The following HSF2BP variants were observed in gnomAD, a reference collection of about 807,000 sequenced individuals.
HSF2BP encodes the protein heat shock transcription factor 2 binding protein, also known as heat shock factor 2-binding protein.
In HSF2BP, 35 loss-of-function variants were observed where a neutral mutation model predicts 35.0. The ratio of observed to expected loss-of-function variants is 1.00; its 90% confidence interval spans 0.76 to 1.32. The LOEUF is 1.32. Among genes scored for constraint, HSF2BP ranks in the 40% most tolerant of loss-of-function variants. The pLI is 0.00. For synonymous variants in HSF2BP, 114 were observed against 117.4 expected, an observed-to-expected ratio of 0.97 and a Z score of 0.18; for missense variants, 326 against 321.7, an observed-to-expected ratio of 1.01 and a Z score of -0.10.
At chr21:43,641,723 G>T (rs528490823) in intron 4 of HSF2BP, among the ~76,000 whole-genome samples, 2 of 151,954 alleles carry the variant, frequency 1.3e-5, no homozygotes, top group Non-Finnish European at 2.9e-5. Context: ...CAAAGTGGAT[G>T]GATCACCTGA....
At chr21:43,606,637 G>T (rs1352469612) in intron 7 of HSF2BP, among the ~76,000 whole-genome samples, 1 of 152,210 alleles carries the variant, frequency 6.6e-6, no homozygotes, top group Non-Finnish European at 1.5e-5. Context: ...GCTGAGAAAG[G>T]CAGGTGGCCT....
the HSF2BP span, among the ~76,000 whole-genome samples, chr21:43,499,941 CCACA>C: frequency 2.0e-5 from 2 of 101,072 alleles, 1 homozygote; most frequent in Non-Finnish European, 4.0e-5. Context: ...CACGCTCACC[CCACA>C]CACTCCACGC....
chr21:43,656,564 G>A, intron 3 of HSF2BP, 23 bp downstream of exon 3: 1 of 1,599,716 alleles, frequency 6.3e-7, no homozygotes, highest in Non-Finnish European at 8.5e-7. Context: ...TACCACCAAT[G>A]ACTGCTGAAA....
rs771807895 is a variant in HSF2BP, at chr21:43,633,360, T to A, written c.353A>T (p.Glu118Val). The change falls in exon 5 of 9, where the codon GAG becomes GTG. Residue 118 changes from glutamate (E) to valine (V), a missense_variant. Physicochemically the swap from Glu to Val is moderately radical, Grantham distance 121. Transcript: ENST00000291560. ...TGCTGCTCCCATTTCTGTACAATAC[T>A]CTGCCTGCTGCAGGAGTTGCTGCTT... ...EAKQQLLQQA[E>V]YCTEMGAAAC... The A allele has an allele frequency of 6.2e-7, 1 of 1,613,866 alleles. No homozygotes were observed. Among genetic ancestry groups the A allele is most frequent in the Non-Finnish European group, 8.5e-7 (1 of 1,179,896 alleles).
chr21:43,647,000 A>T (rs771715517), intron 3 of HSF2BP, among the ~76,000 whole-genome samples: 18 of 152,254 alleles, frequency 1.2e-4, no homozygotes, highest in Non-Finnish European at 5.9e-5. Context: ...TATGGAATAT[A>T]GTAGGCAATA....
intron 8 of HSF2BP, among the ~76,000 whole-genome samples, chr21:43,571,844 A>G (rs1011977395): frequency 7.2e-6 from 1 of 138,920 alleles, no homozygotes; most frequent in African/African-American, 2.7e-5. Flanking sequence ...GACCCTGACC[A>G]GAGCCCCTTC....
chr21:43,656,476 T>C, intron 3 of HSF2BP, 111 bp downstream of exon 3: 4 of 1,018,516 alleles, frequency 3.9e-6, no homozygotes, highest in Non-Finnish European at 5.8e-6. Context: ...CCAAATATCA[T>C]CACAAGGACT....
intron 4 of HSF2BP, among the ~76,000 whole-genome samples, chr21:43,635,986 G>C (rs1317332299): frequency 6.7e-6 from 1 of 149,522 alleles, no homozygotes; most frequent in Non-Finnish European, 1.5e-5. Context: ...ATTGTACCTT[G>C]GGAGGCTGAG....
chr21:43,589,184 T>C (rs900059179), intron 8 of HSF2BP, among the ~76,000 whole-genome samples: 2 of 152,154 alleles, frequency 1.3e-5, no homozygotes, highest in Non-Finnish European at 2.9e-5. Flanking sequence ...ACATTATCTT[T>C]ACTACATAAG....
intron 8 of HSF2BP, among the ~76,000 whole-genome samples, chr21:43,577,998 A>G (rs1568880764): frequency 1.3e-5 from 2 of 152,124 alleles, no homozygotes; most frequent in African/African-American, 2.4e-5. Flanking sequence ...TCCCAAACCT[A>G]TAAGAACTAA....
At chr21:43,649,259 G>C (rs2082750189) in intron 3 of HSF2BP, among the ~76,000 whole-genome samples, 1 of 150,698 alleles carries the variant, frequency 6.6e-6, no homozygotes, top group African/African-American at 2.4e-5. Context: ...TTATTTTTTT[G>C]AAAAAAAATT....
At chr21:43,657,769 A>G in intron 2 of HSF2BP, 1 of 894,134 alleles carries the variant, frequency 1.1e-6, no homozygotes, top group Non-Finnish European at 1.3e-6. Flanking sequence ...CGGAGCAGAG[A>G]AGAGAGTGAC....
intron 2 of HSF2BP, 49 bp from the exon 3 acceptor site, chr21:43,656,786 AAAC>A (rs761727937): frequency 3.4e-5 from 52 of 1,526,240 alleles, no homozygotes; most frequent in Non-Finnish European, 4.7e-5. Flanking sequence ...ATGAGAAAAA[AAAC>A]AACAGCTCAA....
chr21:43,582,101 C>A (rs1394285846), intron 8 of HSF2BP, among the ~76,000 whole-genome samples: 1 of 105,558 alleles, frequency 9.5e-6, no homozygotes, highest in Non-Finnish European at 1.8e-5. Flanking sequence ...GAGATGAGGG[C>A]CTGCTGTGGG....
chr21:43,576,995 C>T (rs1363853929), intron 8 of HSF2BP, among the ~76,000 whole-genome samples: 2 of 152,122 alleles, frequency 1.3e-5, no homozygotes, highest in Non-Finnish European at 2.9e-5. Context: ...CTATGTAGGT[C>T]AACGAATTTA....
intron 4 of HSF2BP, among the ~76,000 whole-genome samples, chr21:43,640,968 T>C (rs1285060629): frequency 1.3e-5 from 2 of 152,236 alleles, no homozygotes; most frequent in Non-Finnish European, 2.9e-5. Context: ...CATAACAGTT[T>C]ATCAAGCACA....
intron 7 of HSF2BP, among the ~76,000 whole-genome samples, chr21:43,593,427 A>G (rs980924958): frequency 6.6e-6 from 1 of 152,214 alleles, no homozygotes; most frequent in Non-Finnish European, 1.5e-5. Flanking sequence ...ATGGGAGTTC[A>G]TAACAAAAAT....
At chr21:43,594,532 A>G (rs1453858060) in intron 7 of HSF2BP, among the ~76,000 whole-genome samples, 6 of 152,234 alleles carry the variant, frequency 3.9e-5, no homozygotes, top group Non-Finnish European at 7.3e-5. Flanking sequence ...GCTTTAAAAA[A>G]GGGGCTATCA....
At chr21:43,631,878 C>CGCTCCCACACACACACAT (rs995642338) in intron 5 of HSF2BP, among the ~76,000 whole-genome samples, 1 of 151,904 alleles carries the variant, frequency 6.6e-6, no homozygotes, top group African/African-American at 2.4e-5. Context: ...TGCGTGTGCA[C>CGCTCCCACACACACACAT]GCTCCCACAC....
Sources: allele counts gnomAD v4.1 joint callset (sites outside exome capture counted in the v4.1 genomes callset), GRCh38; gene constraint gnomAD v4.1.1; transcripts MANE v1.5; gene names NCBI Gene and HGNC (gene_info 2026-07-23, HGNC 2026-07-21).